Variants in CAMSAP3 observed in about 807,000 individuals in gnomAD.
CAMSAP3 encodes the protein calmodulin-regulated spectrin-associated protein 3.
CAMSAP3 carries 34 observed loss-of-function variants against 112.5 expected under a neutral mutation model. The observed-to-expected ratio is 0.30, with a 90% CI of 0.23 to 0.40. The LOEUF (loss-of-function observed/expected upper bound fraction) is 0.40. Among genes scored for constraint, CAMSAP3 ranks in the 10% least tolerant of loss-of-function variants. CAMSAP3 has a pLI of 1.00. For synonymous variants in CAMSAP3, 868 were observed against 799.8 expected (o/e 1.09, Z -1.44); for missense variants, 1,602 against 1,770.3 (o/e 0.90, Z 1.71).
rs1314089726 is a variant in CAMSAP3, at chr19:7,607,047, G to A, written c.621+476G>A. ...CCTCCCCCAGCGAACTGATGGGTGG[G>A]GACGAACTTCCCCTCCCGTTATTCA... is the stretch of plus-strand genomic sequence containing the variant. On this transcript the variant is annotated intron_variant, in intron 4 of 16. Transcript: ENST00000160298. The surrounding 1 kb of genome is among the most constrained non-coding windows in gnomAD (Gnocchi z 4.9). 1.3e-5 allele frequency among the ~76,000 whole-genome samples: 2 copies of A among 151,996 alleles called. No individual in the cohort carries two copies. The highest frequency in any genetic ancestry group is 3.9e-4 in the East Asian group (2 of 5,142).
intron 11 of CAMSAP3, among the ~76,000 whole-genome samples, chr19:7,614,063 CA>C (rs1236621360): frequency 4.0e-5 from 6 of 151,878 alleles, no homozygotes; most frequent in African/African-American, 1.5e-4. Flanking sequence ...AGATCGAGAC[CA>C]TCCTGGCTAA....
chr19:7,599,296 ACCC>A (rs2029863167), intron 1 of CAMSAP3, among the ~76,000 whole-genome samples: 1 of 18,202 alleles, frequency 5.5e-5, no homozygotes, highest in African/African-American at 2.3e-4. Context: ...CCACCCACCC[ACCC>A]CACTCATCCA....
Position 7,615,520 on chromosome 19 carries a change from C to A in CAMSAP3, c.2913C>A (p.Gly971=). 2 of 1,535,528 alleles carry A rather than the reference C, an allele frequency of 1.3e-6. No homozygotes were observed. The highest frequency in any genetic ancestry group is 1.7e-6 in the Non-Finnish European group (2 of 1,143,344). Residue 971 remains glycine (G), a synonymous_variant, in exon 13 of 17, where the codon GGC becomes GGA. Coordinates refer to ENST00000160298, the MANE Select transcript of CAMSAP3 (RefSeq NM_020902.2). This position sits in a 1 kb window ranked among gnomAD's most constrained non-coding sequence, Gnocchi z 6.5. ...GGGCTCCAGCCGAGGAGGAGGTGGG[C>A]CCCCGGAAGGGGGACTTCACGCGGC... ...AARAPAEEEV[G]PRKGDFTRQE...
In CAMSAP3 at chr19:7,612,929, G is replaced by A; in HGVS notation, c.2436G>A (p.Lys812=). The A allele has an allele frequency of 1.9e-6, 3 of 1,609,574 alleles. No homozygotes were observed. Among genetic ancestry groups the A allele is most frequent in the Non-Finnish European group, 2.5e-6 (3 of 1,179,148 alleles). Reference sequence around the variant, plus strand: ...TAGACAGCCTCCCCCACCTGCGCAAGTTCTCGCCGAGCCAGGTGCCCGTGC... The same window carrying A: ...TAGACAGCCTCCCCCACCTGCGCAAATTCTCGCCGAGCCAGGTGCCCGTGC... ...HDVDSLPHLR[K]FSPSQVPVQT... is the part of the protein sequence containing the mutation. Residue 812 remains lysine, a synonymous_variant, in exon 11 of 17, where the codon AAG becomes AAA. Coordinates refer to ENST00000160298, the MANE Select transcript of CAMSAP3 (RefSeq NM_020902.2).
rs1463627912 is a variant in CAMSAP3, at chr19:7,611,186, G to T, written c.1123+18G>T. The T allele has an allele frequency of 7.4e-6, 12 of 1,612,674 alleles. No homozygotes were observed. The highest frequency in any genetic ancestry group is 1.0e-5 in the Non-Finnish European group (12 of 1,179,498). ...ATCCACAGGTGAGGAGGGGGTAGGTGGCTTCTGTCACGGGGGACCCCCCCA... is the reference window on the plus strand; with the variant it reads ...ATCCACAGGTGAGGAGGGGGTAGGTTGCTTCTGTCACGGGGGACCCCCCCA... On this transcript the variant is annotated intron_variant, in intron 9 of 16. Coordinates refer to ENST00000160298, the MANE Select transcript of CAMSAP3 (RefSeq NM_020902.2). This position sits in a 1 kb window ranked among gnomAD's most constrained non-coding sequence, Gnocchi z 6.9.
rs1599356680 is a variant in CAMSAP3, at chr19:7,611,275, C to T, written c.1123+107C>T. The stretch of plus-strand genomic sequence containing the variant: ...GTGAGCCTTCCAATAGCCTCTCCAT[C>T]AGATCCCCCTTGGGCATCCCAAAGT... On this transcript the variant is annotated intron_variant, in intron 9 of 16. Coordinates refer to ENST00000160298, the MANE Select transcript of CAMSAP3 (RefSeq NM_020902.2). The surrounding 1 kb of genome is among the most constrained non-coding windows in gnomAD (Gnocchi z 6.9). 1 of 1,163,328 alleles carries T rather than the reference C, an allele frequency of 8.6e-7. No individual in the cohort carries two copies. 72.1% of individuals were successfully genotyped at this position (1,163,328 alleles called of 1,614,324 possible). A position where few individuals can be genotyped will look rare whatever the true frequency, so the allele number is the denominator to read the frequency against.
At chr19:7,603,478 G>A (rs560804404) in intron 1 of CAMSAP3, among the ~76,000 whole-genome samples, 5 of 152,200 alleles carry the variant, frequency 3.3e-5, no homozygotes, top group Middle Eastern at 6.8e-3. Context: ...TTTTCCCAAA[G>A]TGCTGGGATT....
rs1599356118 is a variant in CAMSAP3, at chr19:7,610,887, C to T, written c.1005C>T (p.Pro335=). ...KDLPDGHAAS[P]RGTEASPPQN... Reference sequence around the variant, plus strand: ...TTCTCTGTACTGCAGCTGCCTCCCCCCGGGGCACTGAGGCCTCCCCACCTC... The same window carrying T: ...TTCTCTGTACTGCAGCTGCCTCCCCTCGGGGCACTGAGGCCTCCCCACCTC... Residue 335 remains proline, a synonymous_variant, in exon 8 of 17, where the codon CCC becomes CCT. Coordinates refer to ENST00000160298, the MANE Select transcript of CAMSAP3 (RefSeq NM_020902.2). This position sits in a 1 kb window ranked among gnomAD's most constrained non-coding sequence, Gnocchi z 4.9. The T allele has an allele frequency of 6.3e-7, 1 of 1,596,440 alleles. No individual in the cohort carries two copies. Among genetic ancestry groups the T allele is most frequent in the South Asian group, 1.1e-5 (1 of 88,636 alleles).
intron 4 of CAMSAP3, chr19:7,606,905 C>A (rs1343984067): frequency 7.4e-7 from 1 of 1,343,404 alleles, no homozygotes; most frequent in Non-Finnish European, 1.1e-6. Flanking sequence ...CGCGCCCTCT[C>A]ATACCTCCCC....
chr19:7,609,604 C>T (rs1393998298), intron 5 of CAMSAP3, among the ~76,000 whole-genome samples: 1 of 152,050 alleles, frequency 6.6e-6, no homozygotes, highest in East Asian at 1.9e-4. Context: ...GGGAGGTGGT[C>T]TTGGGATAAT....
In CAMSAP3 at chr19:7,615,249, C is replaced by CGAGCAG. The variant is rs1471213670; in HGVS notation, c.2738_2743dup (p.Ala914_Glu915insGlyAla). On this transcript the variant is annotated inframe_insertion, in exon 12 of 17. Transcript: ENST00000160298. This position sits in a 1 kb window ranked among gnomAD's most constrained non-coding sequence, Gnocchi z 6.5. ...CAGCCTGCTGGAGCGGCAGCAGCGGCGAGCAGAGGAGGCGCGGCGGCGCAA... is the reference window on the plus strand; with the variant it reads ...CAGCCTGCTGGAGCGGCAGCAGCGGCGAGCAGGAGCAGAGGAGGCGCGGCGGCGCAA... 6.4e-7 allele frequency: 1 copy of CGAGCAG among 1,551,204 alleles called. No individual in the cohort carries two copies. Among genetic ancestry groups the CGAGCAG allele is most frequent in the South Asian group, 1.2e-5 (1 of 84,116 alleles).
rs781688248 is a variant in CAMSAP3, at chr19:7,612,445, C to T, written c.1952C>T (p.Ala651Val). The change falls in exon 11 of 17, where the codon GCA becomes GTA. Residue 651 changes from alanine to valine, a missense_variant. Physicochemically the swap from Ala to Val is moderately conservative, Grantham distance 64 (BLOSUM62 0). Transcript: ENST00000160298. ...QPREASGEAE[A>V]EAEEADSGPV... is the part of the protein sequence containing the mutation. Reference sequence around the variant, plus strand: ...CGGGAAGCCTCTGGGGAGGCGGAAGCAGAGGCGGAGGAGGCCGATTCCGGT... The same window carrying T: ...CGGGAAGCCTCTGGGGAGGCGGAAGTAGAGGCGGAGGAGGCCGATTCCGGT... 5 of 1,586,176 alleles carry T rather than the reference C, an allele frequency of 3.2e-6. No individual in the cohort carries two copies. In the South Asian group the frequency reaches 4.6e-5, roughly 14 times the overall value.
chr19:7,598,527 G>A (rs1424159808), intron 1 of CAMSAP3, among the ~76,000 whole-genome samples: 1 of 152,182 alleles, frequency 6.6e-6, no homozygotes, highest in African/African-American at 2.4e-5. Flanking sequence ...AGGCACAGGT[G>A]TGAGAAGGCT....
Position 7,607,751 on chromosome 19 carries a change from C to G in CAMSAP3, c.622-375C>G, listed in dbSNP as rs545335540. 5.9e-5 allele frequency: 34 copies of G among 580,164 alleles called. No individual in the cohort carries two copies. Among genetic ancestry groups the G allele is most frequent in the Admixed American group, 1.2e-4 (4 of 33,604 alleles). The allele number at this position is 580,164 out of a possible 1,614,324, so 35.9% of individuals were successfully genotyped here. ...AGGGTCAGGGCTACCCCCTCCCCCCCAAGGTGGGCTTGGGGGCCCAGCAGG... is the reference window on the plus strand; with the variant it reads ...AGGGTCAGGGCTACCCCCTCCCCCCGAAGGTGGGCTTGGGGGCCCAGCAGG... On this transcript the variant is annotated intron_variant, in intron 4 of 16. Coordinates refer to ENST00000160298, the MANE Select transcript of CAMSAP3 (RefSeq NM_020902.2). The surrounding 1 kb of genome is among the most constrained non-coding windows in gnomAD (Gnocchi z 4.9).
rs1231082607 is a variant in CAMSAP3, at chr19:7,613,101, T to C, written c.2608T>C (p.Ser870Pro). 1.3e-6 allele frequency: 2 copies of C among 1,545,944 alleles called. No homozygotes were observed. The highest frequency in any genetic ancestry group is 1.7e-6 in the Non-Finnish European group (2 of 1,146,046). Residue 870 changes from serine (S) to proline (P), a missense_variant, in exon 11 of 17, where the codon TCC (serine) becomes CCC (proline). Ser to Pro is a moderately conservative substitution (Grantham distance 74, BLOSUM62 -1). This residue lies in a region of CAMSAP3 where 1,100 missense variants were observed against 1,135.7 expected (regional missense o/e 0.97). Transcript: ENST00000160298. ...GDGSPAGAEDSLEEEASSEGE... is the reference protein window; with the variant it reads ...GDGSPAGAEDPLEEEASSEGE... ...CGGGAGCCCCGCTGGTGCTGAGGAT[T>C]CCTTGGAGGAGGAGGCGTCTTCGGA...
intron 1 of CAMSAP3, among the ~76,000 whole-genome samples, chr19:7,603,081 A>G (rs756102520): frequency 2.0e-5 from 3 of 152,142 alleles, no homozygotes; most frequent in Non-Finnish European, 4.4e-5. Flanking sequence ...GAAGGTGGGA[A>G]AGGAGCCAGG....
At position 7,611,398 on chromosome 19, in the gene CAMSAP3, C is replaced by T; in HGVS notation, c.1124-119C>T. ...TCTGGAAACCTCTGGTCTCACTAGA[C>T]CACATAATGAGCCATCAGTGACTCA... On this transcript the variant is annotated intron_variant, in intron 9 of 16. Coordinates refer to ENST00000160298, the MANE Select transcript of CAMSAP3 (RefSeq NM_020902.2). The surrounding 1 kb of genome is among the most constrained non-coding windows in gnomAD (Gnocchi z 6.9). 9.7e-7 allele frequency: 1 copy of T among 1,027,470 alleles called. No individual in the cohort carries two copies. The highest frequency in any genetic ancestry group is 1.4e-6 in the Non-Finnish European group (1 of 702,776). 63.6% of individuals were successfully genotyped at this position (1,027,470 alleles called of 1,614,324 possible). A position where few individuals can be genotyped will look rare whatever the true frequency, so the allele number is the denominator to read the frequency against.
rs561595447 is a variant in CAMSAP3, at chr19:7,615,450, C to G, written c.2843C>G (p.Pro948Arg). The change falls in exon 13 of 17, where the codon CCG (proline) becomes CGG (arginine). Residue 948 changes from proline (P) to arginine (R), a missense_variant. Physicochemically the swap from Pro to Arg is moderately radical, Grantham distance 103. Around this residue, in one of 6 missense-constraint regions of CAMSAP3, gnomAD observed 1,100 missense variants for 1,135.7 expected, o/e 0.97. Coordinates refer to ENST00000160298, the MANE Select transcript of CAMSAP3 (RefSeq NM_020902.2). The surrounding 1 kb of genome is among the most constrained non-coding windows in gnomAD (Gnocchi z 6.5). Reference sequence around the variant, plus strand: ...CAAGAGGAGGCCCCGGGCCCAGCCCCGCTTGTGTCCGCAGTCCCGATGGCG... The same window carrying G: ...CAAGAGGAGGCCCCGGGCCCAGCCCGGCTTGTGTCCGCAGTCCCGATGGCG... ...LAQEEAPGPA[P>R]LVSAVPMATP... 2 of 1,540,754 alleles carry G rather than the reference C, an allele frequency of 1.3e-6. No homozygotes were observed. Among genetic ancestry groups the G allele is most frequent in the East Asian group, 4.9e-5 (2 of 40,854 alleles).
In CAMSAP3 at chr19:7,615,318, G is replaced by T; in HGVS notation, c.2806G>T (p.Ala936Ser). The part of the protein sequence containing the change: ...VEKEQRREEA[A>S]RLAQEEAPGP... ...GAAGGAACAGCGGAGGGAGGAGGCC[G>T]CGAGGTGAGGCCGGGCCTGCCCGGG... Residue 936 changes from alanine (A) to serine (S), a missense_variant, in exon 12 of 17, where the codon GCG (alanine) becomes TCG (serine). Physicochemically the swap from Ala to Ser is moderately conservative, Grantham distance 99 (BLOSUM62 1). Transcript: ENST00000160298. This position sits in a 1 kb window ranked among gnomAD's most constrained non-coding sequence, Gnocchi z 6.5. The T allele has an allele frequency of 6.5e-7, 1 of 1,544,820 alleles. No homozygotes were observed. Among genetic ancestry groups the T allele is most frequent in the Non-Finnish European group, 8.7e-7 (1 of 1,143,438 alleles).
Sources: allele counts gnomAD v4.1 joint callset (sites outside exome capture counted in the v4.1 genomes callset), GRCh38; gene constraint gnomAD v4.1.1; regional missense constraint gnomAD v4.1.1; non-coding constraint Gnocchi (gnomAD v3.1); transcripts MANE v1.5; gene names NCBI Gene and HGNC (gene_info 2026-07-23, HGNC 2026-07-21).